VMA22: variants seen among roughly 807,000 people sequenced by gnomAD.
The protein encoded by VMA22 is vacuolar ATPase assembly factor VMA22, also known as vacuolar ATPase assembly protein VMA22.
the VMA22 span, chr2:130,341,858 C>T: frequency 1.3e-6 from 2 of 1,582,624 alleles, no homozygotes; most frequent in Non-Finnish European, 1.7e-6. Flanking sequence ...GGAGGCAGAC[C>T]TGGGGCTCCA....
At chr2:130,340,941 T>C in the VMA22 span, 3 of 1,613,964 alleles carry the variant, frequency 1.9e-6, no homozygotes, top group African/African-American at 2.7e-5. Flanking sequence ...TGACGTAGAC[T>C]GTGAGGAACT....
the VMA22 span, chr2:130,339,741 C>T: frequency 1.5e-6 from 2 of 1,304,090 alleles, no homozygotes; most frequent in African/African-American, 3.0e-5. Flanking sequence ...GAAACACTTT[C>T]TCTTCTTGGC....
the VMA22 span, chr2:130,341,418 G>C: frequency 1.8e-6 from 1 of 564,954 alleles, no homozygotes; most frequent in Non-Finnish European, 3.1e-6. Flanking sequence ...TAGACACACA[G>C]ATAAATATTT....
At chr2:130,339,680 G>A in the VMA22 span, 193 of 1,304,222 alleles carry the variant, frequency 1.5e-4, 3 homozygotes, top group East Asian at 7.6e-3. Context: ...TCTCGTCTTC[G>A]GCCTCCTGTT....
At chr2:130,342,137 C>T in the VMA22 span, 1 of 1,613,322 alleles carries the variant, frequency 6.2e-7, no homozygotes, top group African/African-American at 1.3e-5. Context: ...GACACACCTC[C>T]AGATCTGGAG....
chr2:130,341,885 C>A, the VMA22 span: 12 of 1,574,450 alleles, frequency 7.6e-6, no homozygotes, highest in East Asian at 2.9e-4. Flanking sequence ...AAGCATACTG[C>A]AGGGGCCCTA....
chr2:130,342,557 T>C, the VMA22 span: 4 of 462,306 alleles, frequency 8.7e-6, no homozygotes, highest in African/African-American at 1.9e-5. Flanking sequence ...GTTTTTACAG[T>C]TGAACTGTTT....
chr2:130,339,154 T>A, the VMA22 span: 3 of 1,614,142 alleles, frequency 1.9e-6, no homozygotes, highest in Middle Eastern at 1.6e-4. Context: ...CTTGAGTTTC[T>A]CTTGGAGTCC....
At chr2:130,338,552 A>G in the VMA22 span, 1 of 152,282 alleles carries the variant, frequency 6.6e-6, no homozygotes, top group African/African-American at 2.4e-5. Context: ...ACAAAGAGAC[A>G]GGATTTTAAA....
chr2:130,340,805 A>T, the VMA22 span: 1 of 1,428,096 alleles, frequency 7.0e-7, no homozygotes, highest in Non-Finnish European at 9.8e-7. Flanking sequence ...GAAAACCTGC[A>T]AAGCCTTTCA....
At chr2:130,339,159 G>A in the VMA22 span, 2 of 1,614,142 alleles carry the variant, frequency 1.2e-6, no homozygotes, top group Non-Finnish European at 1.7e-6. Flanking sequence ...GTTTCTCTTG[G>A]AGTCCCCGGA....
the VMA22 span, chr2:130,339,230 G>A: frequency 6.2e-7 from 1 of 1,613,626 alleles, no homozygotes; most frequent in African/African-American, 1.3e-5. Context: ...GCCAGCTGCA[G>A]GCCTGGAGGA....
At chr2:130,339,282 A>G in the VMA22 span, 1 of 1,526,846 alleles carries the variant, frequency 6.5e-7, no homozygotes, top group Non-Finnish European at 9.0e-7. Flanking sequence ...GTAACACACG[A>G]CCCAGGAGGA....
chr2:130,339,352 A>G, the VMA22 span: 2 of 1,340,882 alleles, frequency 1.5e-6, no homozygotes, highest in African/African-American at 1.5e-5. Flanking sequence ...CACTTGTCCC[A>G]AAACATTCCA....
chr2:130,339,460 T>C, the VMA22 span: 1 of 1,403,176 alleles, frequency 7.1e-7, no homozygotes, highest in Non-Finnish European at 9.3e-7. Flanking sequence ...CTGGACCCAT[T>C]ATATCACCCA....
chr2:130,342,637 G>T, the VMA22 span: 1 of 485,222 alleles, frequency 2.1e-6, no homozygotes, highest in Non-Finnish European at 3.7e-6. Flanking sequence ...CGGTGGTGGG[G>T]GGAGGACGAG....
At chr2:130,339,179 G>A in the VMA22 span, 9 of 1,613,996 alleles carry the variant, frequency 5.6e-6, no homozygotes, top group Admixed American at 1.7e-5. Flanking sequence ...AGCTGGCTTC[G>A]ACCCCAGTCA....
chr2:130,340,430 GC>G, the VMA22 span: 1 of 217,530 alleles, frequency 4.6e-6, no homozygotes, highest in Non-Finnish European at 9.3e-6. Flanking sequence ...TAGGCCACCG[GC>G]CTCGGCACAT....
At chr2:130,341,746 C>G in the VMA22 span, 1 of 1,611,390 alleles carries the variant, frequency 6.2e-7, no homozygotes, top group Non-Finnish European at 8.5e-7. Flanking sequence ...CCTCCTGGGC[C>G]TCGCTGAAGG....
Sources: allele counts gnomAD v4.1 joint callset, GRCh38; gene constraint gnomAD v4.1.1; transcripts MANE v1.5; gene names NCBI Gene and HGNC (gene_info 2026-07-23, HGNC 2026-07-21).